Variants in SDK1 observed in about 807,000 individuals in gnomAD.
The protein encoded by SDK1 is sidekick cell adhesion molecule 1, also known as protein sidekick-1.
SDK1 carries 157 observed loss-of-function variants against 245.5 expected under a neutral mutation model. The ratio of observed to expected loss-of-function variants is 0.64; its 90% confidence interval spans 0.56 to 0.73. The LOEUF (loss-of-function observed/expected upper bound fraction) is 0.73, where lower values mean the gene tolerates loss of function less well. SDK1 is among the 30% of genes least tolerant of loss of function. SDK1 has a pLI of 0.00. For synonymous variants in SDK1, 1,647 were observed against 1,278.5 expected, an observed-to-expected ratio of 1.29 and a Z score of -6.15; for missense variants, 3,583 against 3,002.3, an observed-to-expected ratio of 1.19 and a Z score of -4.52.
rs201183357 is a variant in SDK1, at chr7:3,951,780, C to T, written c.1010C>T (p.Thr337Ile). The change falls in exon 7 of 45, where the codon ACC becomes ATC. Residue 337 changes from threonine to isoleucine, a missense_variant. By Grantham distance (89) the Thr-to-Ile change is moderately conservative. Transcript: ENST00000404826. The part of the protein sequence containing the change: ...VTWKRNGVRI[T>I]SGLHSFGRRL... ...TGGAAGAGGAATGGAGTGAGAATCA[C>T]CAGTGGCCTCCACAGCTTTGGAAGA... 94 of 1,613,880 alleles carry T rather than the reference C, an allele frequency of 5.8e-5. 1 individual carries two copies. The highest frequency in any genetic ancestry group is 3.5e-4 in the Admixed American group (21 of 60,022).
chr7:4,069,876 G>A (rs548795061), intron 20 of SDK1, among the ~76,000 whole-genome samples: 3 of 152,308 alleles, frequency 2.0e-5, no homozygotes, highest in African/African-American at 4.8e-5. Flanking sequence ...TGAGGTTTAG[G>A]GTGGTGACGT....
At chr7:3,715,780 C>T (rs1785185045) in intron 4 of SDK1, among the ~76,000 whole-genome samples, 2 of 152,034 alleles carry the variant, frequency 1.3e-5, no homozygotes, top group Admixed American at 1.3e-4. Flanking sequence ...GGAAAAATCA[C>T]AACTTGAATG....
At chr7:3,457,187 T>G (rs994932798) in intron 1 of SDK1, among the ~76,000 whole-genome samples, 2 of 152,118 alleles carry the variant, frequency 1.3e-5, no homozygotes, top group African/African-American at 4.8e-5. Flanking sequence ...GGAGTGAGCC[T>G]GCCTTAGCTG....
At position 3,950,878 on chromosome 7, in the gene SDK1, C is replaced by T. The variant is rs374573348; in HGVS notation, c.848-45C>T. ...CCCTCAGATAACGGCGGGGGGTGCT[C>T]CTGTACTTAGAGTTTCATGGACATT... On this transcript the variant is annotated intron_variant, in intron 5 of 44. Coordinates refer to ENST00000404826, the MANE Select transcript of SDK1 (RefSeq NM_152744.4). 1.4e-5 allele frequency: 21 copies of T among 1,477,046 alleles called. No individual in the cohort carries two copies. The African/African-American group carries it at 1.9e-4, about 14-fold the overall frequency. The allele number at this position is 1,477,046 out of a possible 1,614,324, so 91.5% of individuals were successfully genotyped here.
intron 5 of SDK1, among the ~76,000 whole-genome samples, chr7:3,865,837 T>C (rs530718230): frequency 1.3e-5 from 2 of 152,210 alleles, no homozygotes; most frequent in African/African-American, 4.8e-5. Context: ...TGGATTTTTC[T>C]TCTAAATAAC....
intron 4 of SDK1, among the ~76,000 whole-genome samples, chr7:3,690,897 A>C (rs1293409589): frequency 6.6e-6 from 1 of 152,240 alleles, no homozygotes; most frequent in Non-Finnish European, 1.5e-5. Flanking sequence ...GAAATAAAAT[A>C]CACTCATATT....
chr7:3,885,613 C>T (rs987275028), intron 5 of SDK1, among the ~76,000 whole-genome samples: 3 of 152,128 alleles, frequency 2.0e-5, no homozygotes, highest in Middle Eastern at 3.2e-3. Context: ...GGGAGAATTT[C>T]GTGTGTCTCT....
intron 1 of SDK1, among the ~76,000 whole-genome samples, chr7:3,425,187 T>TCC (rs1378273790): frequency 6.6e-6 from 1 of 151,810 alleles, no homozygotes; most frequent in Non-Finnish European, 1.5e-5. Flanking sequence ...CTGTTTTTCT[T>TCC]CCCCATAAGC....
At chr7:3,897,744 G>A in intron 5 of SDK1, among the ~76,000 whole-genome samples, 1 of 122,110 alleles carries the variant, frequency 8.2e-6, no homozygotes, top group Non-Finnish European at 1.5e-5. Flanking sequence ...TGTTTTTACA[G>A]CTGTGTGTGT....
intron 35 of SDK1, among the ~76,000 whole-genome samples, chr7:4,203,034 G>A (rs1376593528): frequency 1.3e-5 from 2 of 152,176 alleles, no homozygotes; most frequent in African/African-American, 2.4e-5. Context: ...TAGGGACGGC[G>A]AGCACAGGGA....
intron 1 of SDK1, among the ~76,000 whole-genome samples, chr7:3,508,326 C>CTTTT (rs746963363): frequency 1.5e-5 from 2 of 136,216 alleles, no homozygotes; most frequent in Non-Finnish European, 1.6e-5. Context: ...TCTTCTTCTT[C>CTTTT]TTTTTTTTTT....
chr7:3,636,671 G>A (rs1782465120), intron 2 of SDK1, among the ~76,000 whole-genome samples: 1 of 152,124 alleles, frequency 6.6e-6, no homozygotes, highest in Admixed American at 6.5e-5. Flanking sequence ...GACGTGGGAG[G>A]GCAGACATCT....
At position 4,084,662 on chromosome 7, in the gene SDK1, A is replaced by ATATGT. The variant is rs756197182; in HGVS notation, c.3324+5086_3324+5090dup. 2.7e-3 allele frequency among the ~76,000 whole-genome samples: 372 copies of ATATGT among 140,332 alleles called. 1 individual carries two copies. The highest frequency in any genetic ancestry group is 6.6e-3 in the African/African-American group (245 of 37,262). The allele number at this position is 140,332 out of a possible 152,430, so 92.1% of individuals were successfully genotyped here. The stretch of plus-strand genomic sequence containing the variant: ...ATTTCAGGTTACTGACCTTAAATGT[A>ATATGT]TATGTTATGTTACGTTATGTTATGT... On this transcript the variant is annotated intron_variant, in intron 22 of 44. Coordinates refer to ENST00000404826, the MANE Select transcript of SDK1 (RefSeq NM_152744.4).
intron 1 of SDK1, among the ~76,000 whole-genome samples, chr7:3,391,331 G>C (rs1781743527): frequency 6.6e-6 from 1 of 152,024 alleles, no homozygotes; most frequent in South Asian, 2.1e-4. Context: ...ACATGACCTT[G>C]GTTCCATTGT....
chr7:3,380,327 A>G (rs1246735268), intron 1 of SDK1, among the ~76,000 whole-genome samples: 4 of 152,224 alleles, frequency 2.6e-5, no homozygotes, highest in Admixed American at 6.5e-5. Context: ...TCTTGCTAGT[A>G]TCTCATAATG....
chr7:3,651,828 C>G (rs963988571), intron 4 of SDK1, among the ~76,000 whole-genome samples: 1 of 152,088 alleles, frequency 6.6e-6, no homozygotes, highest in African/African-American at 2.4e-5. Context: ...TAGCTGAGAG[C>G]AGTAATAGAG....
At chr7:3,708,659 G>A (rs60118032) in intron 4 of SDK1, among the ~76,000 whole-genome samples, 2,415 of 125,450 alleles carry the variant, frequency 0.019, 54 homozygotes, top group African/African-American at 0.074. Context: ...TACCTCCAAG[G>A]TCCAGTTACC....
At chr7:4,140,467 CTG>C (rs1297538183) in intron 28 of SDK1, among the ~76,000 whole-genome samples, 2 of 152,218 alleles carry the variant, frequency 1.3e-5, no homozygotes, top group Non-Finnish European at 2.9e-5. Context: ...TTCCCCCACT[CTG>C]TGTCGGTCAC....
At chr7:3,793,425 G>T (rs973906574) in intron 4 of SDK1, among the ~76,000 whole-genome samples, 1 of 152,106 alleles carries the variant, frequency 6.6e-6, no homozygotes, top group South Asian at 2.1e-4. Context: ...AGCGATTGAC[G>T]TGACAAACGC....
Sources: gnomAD v4.1 joint callset for allele counts (sites outside exome capture counted in the v4.1 genomes callset) on GRCh38, gnomAD v4.1.1 for gene constraint, MANE v1.5 for transcripts, NCBI Gene and HGNC (gene_info 2026-07-23, HGNC 2026-07-21) for gene names.